The following FILIP1L variants were observed in gnomAD, a reference collection of about 807,000 sequenced individuals.
FILIP1L encodes the protein filamin A interacting protein 1 like, also known as filamin A-interacting protein 1-like.
A neutral mutation model predicts 96.6 loss-of-function variants in FILIP1L; 55 were observed. That is an observed-to-expected ratio of 0.57 (90% CI 0.46 to 0.71). FILIP1L has a LOEUF of 0.71. FILIP1L is among the 30% of genes least tolerant of loss of function. FILIP1L has a pLI of 0.00. For synonymous variants in FILIP1L, 467 were observed against 473.9 expected, an observed-to-expected ratio of 0.99 and a Z score of 0.19; for missense variants, 1,304 against 1,321.2, an observed-to-expected ratio of 0.99 and a Z score of 0.20.
At chr3:99,862,508 T>A (rs1330615646) in intron 4 of FILIP1L, among the ~76,000 whole-genome samples, 3 of 152,210 alleles carry the variant, frequency 2.0e-5, no homozygotes, top group Non-Finnish European at 4.4e-5. Context: ...GACATTTTGG[T>A]TAATTCTTTG....
intron 1 of FILIP1L, among the ~76,000 whole-genome samples, chr3:100,016,363 G>T (rs1342975827): frequency 2.6e-5 from 4 of 152,108 alleles, no homozygotes; most frequent in Admixed American, 2.6e-4. Context: ...AGCTAATTTT[G>T]TATCTTTAGT....
intron 1 of FILIP1L, among the ~76,000 whole-genome samples, chr3:99,976,553 A>C (rs562202819): frequency 1.3e-5 from 2 of 152,290 alleles, no homozygotes; most frequent in South Asian, 2.1e-4. Flanking sequence ...ACCACATTGA[A>C]GATACCACTT....
intron 1 of FILIP1L, among the ~76,000 whole-genome samples, chr3:99,972,258 A>T (rs948065495): frequency 2.6e-5 from 4 of 152,212 alleles, no homozygotes; most frequent in African/African-American, 9.7e-5. Context: ...GTTGAAATAA[A>T]CTTGACCCAA....
At chr3:99,919,854 G>A (rs935566590) in intron 4 of FILIP1L, among the ~76,000 whole-genome samples, 2 of 152,198 alleles carry the variant, frequency 1.3e-5, no homozygotes, top group African/African-American at 4.8e-5. Flanking sequence ...GTGTGGTCAA[G>A]GCAACAACAC....
intron 1 of FILIP1L, among the ~76,000 whole-genome samples, chr3:99,956,991 A>G (rs1708339441): frequency 6.6e-6 from 1 of 152,214 alleles, no homozygotes; most frequent in African/African-American, 2.4e-5. Flanking sequence ...CCAGGGCTCT[A>G]GCTGGATTTA....
At chr3:99,995,225 T>G (rs1709642554) in intron 1 of FILIP1L, among the ~76,000 whole-genome samples, 1 of 152,080 alleles carries the variant, frequency 6.6e-6, no homozygotes, top group South Asian at 2.1e-4. Flanking sequence ...TGGAAGAAAT[T>G]GGCCAAAACA....
intron 4 of FILIP1L, among the ~76,000 whole-genome samples, chr3:99,864,097 T>C (rs1460442622): frequency 6.6e-6 from 1 of 152,248 alleles, no homozygotes; most frequent in Non-Finnish European, 1.5e-5. Context: ...GGAAGACATA[T>C]ACTTTTGCTG....
At chr3:100,062,096 T>C (rs867749174) in intron 1 of FILIP1L, among the ~76,000 whole-genome samples, 287 of 39,400 alleles carry the variant, frequency 7.3e-3, no homozygotes, top group African/African-American at 0.01. Flanking sequence ...TCTTCTTCTT[T>C]TTTTTTTTTT....
chr3:99,890,602 T>C (rs1706053481), intron 4 of FILIP1L, among the ~76,000 whole-genome samples: 1 of 152,154 alleles, frequency 6.6e-6, no homozygotes, highest in African/African-American at 2.4e-5. Context: ...TTTCTTCCAG[T>C]TTACTAATTC....
chr3:99,898,636 G>A, intron 4 of FILIP1L: 1 of 189,696 alleles, frequency 5.3e-6, no homozygotes, highest in Non-Finnish European at 1.1e-5. Context: ...CATGATGGCG[G>A]GTGCCTGTAA....
chr3:99,978,939 G>C (rs1029915386), intron 1 of FILIP1L, among the ~76,000 whole-genome samples: 1 of 152,076 alleles, frequency 6.6e-6, no homozygotes, highest in African/African-American at 2.4e-5. Flanking sequence ...TGGAGGCTGG[G>C]AGGAAAGGGA....
chr3:99,971,725 C>G (rs1708827948), intron 1 of FILIP1L, among the ~76,000 whole-genome samples: 1 of 152,152 alleles, frequency 6.6e-6, no homozygotes. Context: ...ATGGTAGGGT[C>G]TAGGATACAC....
At chr3:99,911,121 C>T (rs943751074) in intron 4 of FILIP1L, among the ~76,000 whole-genome samples, 3 of 152,052 alleles carry the variant, frequency 2.0e-5, no homozygotes, top group African/African-American at 7.2e-5. Context: ...CCCACATCTC[C>T]CTTTCTGGGA....
rs184423486 is a variant in FILIP1L at position 99,922,731 on chromosome 3, G to A, written c.605+1499C>T. Among the ~76,000 whole-genome samples, 3 of 152,236 alleles carry A rather than the reference G, an allele frequency of 2.0e-5. No individual in the cohort carries two copies. The East Asian group carries it at 5.8e-4, about 29-fold the overall frequency. On this transcript the variant is annotated intron_variant, in intron 4 of 5. Coordinates refer to ENST00000477258, the MANE Select transcript of FILIP1L (RefSeq NM_001387850.1). ...TATGGATGCTTATACTGTCTACAGT[G>A]GTTCAGAATAGAGGGTCAAAGTAGA... is the stretch of plus-strand genomic sequence containing the variant.
intron 1 of FILIP1L, among the ~76,000 whole-genome samples, chr3:100,041,679 T>C (rs779541682): frequency 6.6e-5 from 10 of 152,186 alleles, no homozygotes; most frequent in African/African-American, 2.4e-4. Flanking sequence ...TGTATTTGGT[T>C]TGGGGAAGGG....
chr3:99,974,232 A>G (rs1708903174), intron 1 of FILIP1L, among the ~76,000 whole-genome samples: 1 of 152,230 alleles, frequency 6.6e-6, no homozygotes, highest in Non-Finnish European at 1.5e-5. Flanking sequence ...TTTTTATCTT[A>G]GCTGAATAGG....
At chr3:100,073,713 C>T (rs1559748379) in intron 1 of FILIP1L, among the ~76,000 whole-genome samples, 1 of 152,192 alleles carries the variant, frequency 6.6e-6, no homozygotes, top group Non-Finnish European at 1.5e-5. Flanking sequence ...TCTAACATGA[C>T]AGCCGGTGTT....
At chr3:100,051,465 C>T (rs2065371448) in intron 1 of FILIP1L, among the ~76,000 whole-genome samples, 4 of 151,442 alleles carry the variant, frequency 2.6e-5, no homozygotes, top group African/African-American at 9.7e-5. Flanking sequence ...ATTAACTCGT[C>T]ATTTAACATT....
intron 1 of FILIP1L, among the ~76,000 whole-genome samples, chr3:99,983,298 C>T (rs1044099364): frequency 2.7e-5 from 4 of 149,476 alleles, no homozygotes; most frequent in Admixed American, 6.7e-5. Context: ...CTTTGGGAGG[C>T]CAAGGCAGGC....
Sources: gnomAD v4.1 joint callset for allele counts (sites outside exome capture counted in the v4.1 genomes callset) on GRCh38, gnomAD v4.1.1 for gene constraint, MANE v1.5 for transcripts, NCBI Gene and HGNC (gene_info 2026-07-23, HGNC 2026-07-21) for gene names.